The following TNFAIP2 variants were observed in gnomAD, a reference collection of about 807,000 sequenced individuals.
The protein encoded by TNFAIP2 is tumor necrosis factor alpha-induced protein 2.
Under a neutral mutation model 63.5 loss-of-function variants are expected in TNFAIP2, and 47 were observed. That is an observed-to-expected ratio of 0.74 (90% confidence interval 0.59 to 0.94). TNFAIP2 has a LOEUF of 0.94. TNFAIP2 is among the 40% of genes least tolerant of loss of function. The pLI is 0.00. For synonymous variants in TNFAIP2, 405 were observed against 390.2 expected (o/e 1.04, Z -0.45); for missense variants, 787 against 850.2 (o/e 0.93, Z 0.92).
At position 103,132,829 on chromosome 14, in the gene TNFAIP2, C is replaced by G. The variant is rs754925593; in HGVS notation, c.1502C>G (p.Thr501Arg). 1.9e-6 allele frequency: 3 copies of G among 1,614,070 alleles called. No homozygotes were observed. Among genetic ancestry groups the G allele is most frequent in the African/African-American group, 2.7e-5 (2 of 75,070 alleles). The change falls in exon 9 of 12, where the codon ACG (threonine) becomes AGG (arginine). Residue 501 changes from threonine to arginine, a missense_variant. By Grantham distance (71) the Thr-to-Arg change is moderately conservative. Coordinates refer to ENST00000560869, the MANE Select transcript of TNFAIP2 (RefSeq NM_006291.4). ...TLENIIATVD[T>R]RLPEFSELQG... Reference sequence around the variant, plus strand: ...GAAAACATCATCGCCACTGTAGACACGAGGCTGCCTGAGTTCTCAGAGCTG... The same window carrying G: ...GAAAACATCATCGCCACTGTAGACAGGAGGCTGCCTGAGTTCTCAGAGCTG...
At chr14:103,133,840 C>A (rs747999565) in intron 11 of TNFAIP2, 37 bp downstream of exon 11, 5 of 1,557,912 alleles carry the variant, frequency 3.2e-6, no homozygotes, top group South Asian at 2.4e-5. Context: ...ACTGTCACAT[C>A]ACTGTGGCCA....
intron 3 of TNFAIP2, among the ~76,000 whole-genome samples, chr14:103,128,732 G>A (rs752510723): frequency 6.6e-6 from 1 of 152,166 alleles, no homozygotes; most frequent in Non-Finnish European, 1.5e-5. Flanking sequence ...CACAGGGCAG[G>A]GGCCACGGGA....
intron 1 of TNFAIP2, among the ~76,000 whole-genome samples, chr14:103,125,334 G>T (rs1566961261): frequency 6.6e-6 from 1 of 152,230 alleles, no homozygotes; most frequent in Non-Finnish European, 1.5e-5. Context: ...CTCTGGGGAA[G>T]CTCGGGTCTT....
At chr14:103,121,904 G>GT (rs1437333234), upstream of TNFAIP2, among the ~76,000 whole-genome samples, 1 of 142,718 alleles carries the variant, frequency 7.0e-6, no homozygotes, top group Non-Finnish European at 1.5e-5. Flanking sequence ...TGGGGTGGGG[G>GT]AACAGAGTCT....
At position 103,127,759 on chromosome 14, in the gene TNFAIP2, G is replaced by A; in HGVS notation, c.860+130G>A. On this transcript the variant is annotated intron_variant, in intron 3 of 11. Coordinates refer to ENST00000560869, the MANE Select transcript of TNFAIP2 (RefSeq NM_006291.4). This position sits in a 1 kb window ranked among gnomAD's most constrained non-coding sequence, Gnocchi z 5.1. Reference sequence around the variant, plus strand: ...GGTGTTTGCAGAGTTTTGGGTCCGAGAATGCAGGGGTGGGACTTGGACTCC... The same window carrying A: ...GGTGTTTGCAGAGTTTTGGGTCCGAAAATGCAGGGGTGGGACTTGGACTCC... 1.8e-6 allele frequency: 2 copies of A among 1,098,930 alleles called. No individual in the cohort carries two copies. Among genetic ancestry groups the A allele is most frequent in the Non-Finnish European group, 2.4e-6 (2 of 816,378 alleles). The allele number at this position is 1,098,930 out of a possible 1,614,324, so 68.1% of individuals were successfully genotyped here.
Position 103,133,459 on chromosome 14 carries a change from A to C in TNFAIP2, c.1643A>C (p.Gln548Pro). The change falls in exon 10 of 12, where the codon CAG becomes CCG. Residue 548 changes from glutamine to proline, a missense_variant. This residue lies in a region of TNFAIP2 where 523 missense variants were observed against 604.1 expected (regional missense o/e 0.87). Transcript: ENST00000560869. Reference protein sequence around the residue: ...LVLKTAEQQQQLAGYILANAD... With the variant: ...LVLKTAEQQQPLAGYILANAD... ...CTCAAGACGGCCGAGCAGCAGCAGC[A>C]GCTGGCTGGGTACATCCTGGCCAAT... The C allele has an allele frequency of 6.2e-7, 1 of 1,613,960 alleles. No homozygotes were observed. Among genetic ancestry groups the C allele is most frequent in the Non-Finnish European group, 8.5e-7 (1 of 1,180,018 alleles).
chr14:103,121,746 C>T (rs1891112133), upstream of TNFAIP2, among the ~76,000 whole-genome samples: 1 of 152,178 alleles, frequency 6.6e-6, no homozygotes, highest in African/African-American at 2.4e-5. Context: ...GGGTGGCAGC[C>T]CCGCCTCAGC....
At position 103,133,442 on chromosome 14, in the gene TNFAIP2, G is replaced by T. The variant is rs184375914; in HGVS notation, c.1626G>T (p.Thr542=). 2.5e-6 allele frequency: 4 copies of T among 1,613,894 alleles called. No homozygotes were observed. In the Admixed American group the frequency reaches 6.7e-5, roughly 27 times the overall value. Residue 542 remains threonine (T), a synonymous_variant, in exon 10 of 12, where the codon ACG becomes ACT. Transcript: ENST00000560869. ...QLSKGRLVLK[T]AEQQQQLAGY... Reference sequence around the variant, plus strand: ...GCAAGGGGCGCCTGGTCCTCAAGACGGCCGAGCAGCAGCAGCAGCTGGCTG... The same window carrying T: ...GCAAGGGGCGCCTGGTCCTCAAGACTGCCGAGCAGCAGCAGCAGCTGGCTG...
upstream of TNFAIP2, among the ~76,000 whole-genome samples, chr14:103,121,556 G>A (rs966208863): frequency 1.3e-5 from 2 of 152,234 alleles, no homozygotes; most frequent in Non-Finnish European, 2.9e-5. Flanking sequence ...GGGCCTCCAT[G>A]CTGCCCCATT....
chr14:103,133,116 G>A (rs1178069413), intron 9 of TNFAIP2, among the ~76,000 whole-genome samples: 1 of 151,418 alleles, frequency 6.6e-6, no homozygotes, highest in Non-Finnish European at 1.5e-5. Flanking sequence ...GCACACATAT[G>A]AACACACGTG....
rs149842526 is a variant in TNFAIP2, at chr14:103,126,932, C to T, written c.236-73C>T. The T allele has an allele frequency of 1.4e-3, 1,829 of 1,337,664 alleles. 27 individuals carry two copies. The African/African-American group carries it at 0.026, about 19-fold the overall frequency. The allele number at this position is 1,337,664 out of a possible 1,614,324, so 82.9% of individuals were successfully genotyped here. ...TGTGCGCGTCTAGGGGAGGACGGTC[C>T]CGCTTGGCGCTGGCCGCCCCGCCCG... On this transcript the variant is annotated intron_variant, in intron 2 of 11. Transcript: ENST00000560869.
rs755522542 is a variant in TNFAIP2, at chr14:103,131,442, A to G, written c.1299-197A>G. The stretch of plus-strand genomic sequence containing the variant: ...ATGGGCAAACCACTGGAGGAGGCTC[A>G]CTTGCCCCCAGTTACAAGGGGATGT... On this transcript the variant is annotated intron_variant, in intron 7 of 11. Transcript: ENST00000560869. This position sits in a 1 kb window ranked among gnomAD's most constrained non-coding sequence, Gnocchi z 4.0. 6.6e-6 allele frequency among the ~76,000 whole-genome samples: 1 copy of G among 151,702 alleles called. No homozygotes were observed. Among genetic ancestry groups the G allele is most frequent in the Non-Finnish European group, 1.5e-5 (1 of 68,026 alleles).
rs765773205 is a variant in TNFAIP2, at chr14:103,130,139, C to T, written c.1098+15C>T. On this transcript the variant is annotated intron_variant, in intron 5 of 11. Coordinates refer to ENST00000560869, the MANE Select transcript of TNFAIP2 (RefSeq NM_006291.4). ...ACATCATCCAGGTACTGCAATCTGCCCCAGGGCACACGTACCGCCCGTGCA... is the reference window on the plus strand; with the variant it reads ...ACATCATCCAGGTACTGCAATCTGCTCCAGGGCACACGTACCGCCCGTGCA... 11 of 1,610,838 alleles carry T rather than the reference C, an allele frequency of 6.8e-6. No homozygotes were observed. The highest frequency in any genetic ancestry group is 4.5e-5 in the East Asian group (2 of 44,796).
rs1166409872 is a variant in TNFAIP2, at chr14:103,127,680, A to G, written c.860+51A>G. ...GGCCGGCAGGGAGGGTGTCCTCTGT[A>G]GGAGGGGTGTCGAGGGGTGTCGAGG... On this transcript the variant is annotated intron_variant, in intron 3 of 11. Transcript: ENST00000560869. The surrounding 1 kb of genome is among the most constrained non-coding windows in gnomAD (Gnocchi z 5.1). The G allele has an allele frequency of 3.5e-6, 5 of 1,417,186 alleles. No homozygotes were observed. In the East Asian group the frequency reaches 1.0e-4, roughly 29 times the overall value. 87.8% of individuals were successfully genotyped at this position (1,417,186 alleles called of 1,614,324 possible).
At chr14:103,129,677 C>T (rs2087929656) in intron 3 of TNFAIP2, 63 bp from the exon 4 acceptor site, 2 of 1,501,130 alleles carry the variant, frequency 1.3e-6, no homozygotes, top group African/African-American at 2.7e-5. Context: ...GGCCTGGGCT[C>T]TAGCTTGAGT....
At chr14:103,123,246 C>G (rs1355826610), upstream of TNFAIP2, among the ~76,000 whole-genome samples, 1 of 152,212 alleles carries the variant, frequency 6.6e-6, no homozygotes, top group Admixed American at 6.5e-5. Flanking sequence ...CCCGCCCCTG[C>G]CCGGCTGCTG....
At chr14:103,133,076 A>G (rs529378016) in intron 9 of TNFAIP2, among the ~76,000 whole-genome samples, 198 of 152,270 alleles carry the variant, frequency 1.3e-3, no homozygotes, top group African/African-American at 4.7e-3. Flanking sequence ...GTGAACACAC[A>G]CATGTGAATG....
chr14:103,133,014 AC>A, intron 9 of TNFAIP2, 142 bp downstream of exon 9: 1 of 1,362,444 alleles, frequency 7.3e-7, no homozygotes, highest in Non-Finnish European at 1.0e-6. Flanking sequence ...GCATGTGAAC[AC>A]GTGCACATGT....
intron 3 of TNFAIP2, among the ~76,000 whole-genome samples, chr14:103,129,288 C>G (rs975428989): frequency 6.6e-6 from 1 of 152,162 alleles, no homozygotes; most frequent in Non-Finnish European, 1.5e-5. Context: ...AGGGTTTTAT[C>G]TGGGTGACAG....
Sources: gnomAD v4.1 joint callset for allele counts (sites outside exome capture counted in the v4.1 genomes callset) on GRCh38, gnomAD v4.1.1 for gene constraint, gnomAD v4.1.1 regional missense constraint, Gnocchi (gnomAD v3.1) non-coding constraint, MANE v1.5 for transcripts, NCBI Gene and HGNC (gene_info 2026-07-23, HGNC 2026-07-21) for gene names.